Variants in SRFBP1 observed in about 807,000 individuals in gnomAD.
SRFBP1 encodes serum response factor binding protein 1, also known as serum response factor-binding protein 1.
Under a neutral mutation model 45.5 loss-of-function variants are expected in SRFBP1, and 47 were observed. The ratio of observed to expected loss-of-function variants is 1.03; its 90% CI spans 0.82 to 1.32. The LOEUF is 1.32. SRFBP1 is among the 40% of genes most tolerant of loss of function. The probability of loss-of-function intolerance (pLI) is 0.00; values close to 1 mark genes in which losing one functional copy is unlikely to be tolerated. For missense variants in SRFBP1, 621 were observed against 484.6 expected, an observed-to-expected ratio of 1.28 and a Z score of -2.64; for synonymous variants, 203 against 166.3, an observed-to-expected ratio of 1.22 and a Z score of -1.70.
In SRFBP1 at chr5:121,984,703, A is replaced by G. The variant is rs531476391; in HGVS notation, c.198+9316A>G. 2.0e-5 allele frequency among the ~76,000 whole-genome samples: 3 copies of G among 151,856 alleles called. No homozygotes were observed. In the East Asian group the frequency reaches 5.8e-4, roughly 29 times the overall value. ...TAGTCTTTTAATGCATATAAATGGC[A>G]TGAATGAATGTTATTTAAGATGACC... is the stretch of plus-strand genomic sequence containing the variant. On this transcript the variant is annotated intron_variant, in intron 3 of 7. Coordinates refer to ENST00000339397, the MANE Select transcript of SRFBP1 (RefSeq NM_152546.3).
intron 3 of SRFBP1, among the ~76,000 whole-genome samples, chr5:121,979,855 A>T (rs372976166): frequency 2.0e-5 from 3 of 152,206 alleles, no homozygotes; most frequent in Non-Finnish European, 4.4e-5. Context: ...TCCTAAGGTT[A>T]TATAGCTTAC....
chr5:122,070,664 C>A, intron 2 of SRFBP1: 1 of 740,434 alleles, frequency 1.4e-6, no homozygotes, highest in South Asian at 1.9e-5. Flanking sequence ...CTATTATTTG[C>A]AAATTAAATT....
intron 2 of SRFBP1, among the ~76,000 whole-genome samples, chr5:122,062,023 A>T (rs1299120585): frequency 2.6e-5 from 4 of 151,942 alleles, no homozygotes; most frequent in African/African-American, 9.7e-5. Flanking sequence ...GTGCTATTTT[A>T]AAAAAGACTC....
Position 122,022,352 on chromosome 5 carries a change from G to A in SRFBP1, c.1068-18G>A, listed in dbSNP as rs1030910311. 1.3e-6 allele frequency: 2 copies of A among 1,599,890 alleles called. No homozygotes were observed. Among genetic ancestry groups the A allele is most frequent in the African/African-American group, 2.7e-5 (2 of 74,448 alleles). On this transcript the variant is annotated intron_variant, in intron 6 of 7. Transcript: ENST00000339397. ...GATTTATCTTTAAAAAGTCATAATGGTGTTTTTCTTCTTTTAGAAATTTCA... is the reference window on the plus strand; with the variant it reads ...GATTTATCTTTAAAAAGTCATAATGATGTTTTTCTTCTTTTAGAAATTTCA...
chr5:122,050,371 C>T (rs1211643640), intron 2 of SRFBP1, among the ~76,000 whole-genome samples: 1 of 152,030 alleles, frequency 6.6e-6, no homozygotes, highest in African/African-American at 2.4e-5. Context: ...TCCATCTGGT[C>T]TTGGGATTTA....
chr5:121,996,940 A>G (rs1487430830), intron 4 of SRFBP1, among the ~76,000 whole-genome samples: 3 of 145,022 alleles, frequency 2.1e-5, no homozygotes, highest in Non-Finnish European at 3.0e-5. Context: ...TAAAATACCT[A>G]GGCATCCAAC....
intron 4 of SRFBP1, among the ~76,000 whole-genome samples, chr5:121,997,553 A>G (rs1752757151): frequency 1.3e-5 from 2 of 151,650 alleles, no homozygotes; most frequent in Admixed American, 6.6e-5. Context: ...ACCTAAAACC[A>G]TAAAAACCCT....
chr5:121,982,794 A>G (rs1444221193), intron 3 of SRFBP1, among the ~76,000 whole-genome samples: 3 of 151,784 alleles, frequency 2.0e-5, no homozygotes, highest in Non-Finnish European at 3.0e-5. Context: ...ATTCAGCAGT[A>G]TGAAGGGAGA....
At chr5:122,005,131 GA>G (rs909862227) in intron 4 of SRFBP1, among the ~76,000 whole-genome samples, 1 of 152,150 alleles carries the variant, frequency 6.6e-6, no homozygotes, top group African/African-American at 2.4e-5. Flanking sequence ...GCTGTTGGAT[GA>G]AATGTTCTGT....
chr5:122,002,596 AATCATCAGTCCACTGGC>A (rs1561587581), intron 4 of SRFBP1, among the ~76,000 whole-genome samples: 1 of 152,224 alleles, frequency 6.6e-6, no homozygotes, highest in African/African-American at 2.4e-5. Context: ...CCTAAGGAGG[AATCATCAGTCCACTGGC>A]ATCATTAGTA....
At chr5:122,004,487 A>G (rs150675577) in intron 4 of SRFBP1, among the ~76,000 whole-genome samples, 21 of 152,194 alleles carry the variant, frequency 1.4e-4, no homozygotes, top group African/African-American at 5.1e-4. Flanking sequence ...GGTCAGTATG[A>G]TTAGTGTTTC....
chr5:121,970,394 C>A (rs908884203), intron 1 of SRFBP1, among the ~76,000 whole-genome samples: 1 of 152,106 alleles, frequency 6.6e-6, no homozygotes, highest in African/African-American at 2.4e-5. Context: ...TCATCTCATG[C>A]ACCTGCAAAG....
chr5:121,976,846 A>G (rs1752312175), intron 3 of SRFBP1, among the ~76,000 whole-genome samples: 1 of 150,654 alleles, frequency 6.6e-6, no homozygotes, highest in Non-Finnish European at 1.5e-5. Flanking sequence ...ACTGGAGTAA[A>G]CTGGAATTTG....
intron 7 of SRFBP1, 79 bp from the exon 8 acceptor site, chr5:122,026,863 G>A: frequency 9.9e-7 from 1 of 1,009,500 alleles, no homozygotes. Context: ...TTTAACATTG[G>A]TTTGAAAAAG....
chr5:122,047,128 A>C (rs531266857), intron 2 of SRFBP1, among the ~76,000 whole-genome samples: 191 of 152,316 alleles, frequency 1.3e-3, no homozygotes, highest in Admixed American at 3.5e-3. Flanking sequence ...GCCCATGCCT[A>C]TGTCCTGAAT....
At chr5:122,000,859 A>G (rs1369212951) in intron 4 of SRFBP1, among the ~76,000 whole-genome samples, 2 of 151,910 alleles carry the variant, frequency 1.3e-5, no homozygotes, top group Non-Finnish European at 2.9e-5. Flanking sequence ...TTTTGCATTA[A>G]TTTTTATGAT....
intron 7 of SRFBP1, among the ~76,000 whole-genome samples, chr5:122,025,128 C>T (rs1163997852): frequency 1.3e-5 from 2 of 151,688 alleles, no homozygotes; most frequent in African/African-American, 4.8e-5. Context: ...CACCCCACAA[C>T]AGTCCCCGGT....
intron 2 of SRFBP1, among the ~76,000 whole-genome samples, chr5:122,038,627 T>C (rs528377431): frequency 6.6e-6 from 1 of 152,204 alleles, no homozygotes; most frequent in East Asian, 1.9e-4. Flanking sequence ...TGAGTAAGGG[T>C]GTGCAATTTC....
At chr5:122,019,908 T>C (rs1029062019) in intron 5 of SRFBP1, among the ~76,000 whole-genome samples, 180 bp from the exon 6 acceptor site, 3 of 152,294 alleles carry the variant, frequency 2.0e-5, no homozygotes, top group Admixed American at 1.3e-4. Context: ...GCATATCTTA[T>C]GTTTGGTTTT....
Sources: allele counts gnomAD v4.1 joint callset (sites outside exome capture counted in the v4.1 genomes callset), GRCh38; gene constraint gnomAD v4.1.1; transcripts MANE v1.5; gene names NCBI Gene and HGNC (gene_info 2026-07-23, HGNC 2026-07-21).